CNTN5: variants seen among roughly 807,000 people sequenced by gnomAD.
CNTN5 encodes contactin 5.
CNTN5 carries 77 observed loss-of-function variants against 129.1 expected under a neutral mutation model. The ratio of observed to expected loss-of-function variants is 0.60; its 90% CI spans 0.50 to 0.72. The LOEUF (loss-of-function observed/expected upper bound fraction) is 0.72, where lower values mean the gene tolerates loss of function less well. CNTN5 is among the 30% of genes least tolerant of loss of function. The pLI, the probability that CNTN5 is intolerant of heterozygous loss-of-function variation, is 0.00. For missense variants in CNTN5, 1,478 were observed against 1,328.8 expected, an observed-to-expected ratio of 1.11 and a Z score of -1.75; for synonymous variants, 509 against 465.6, an observed-to-expected ratio of 1.09 and a Z score of -1.20.
chr11:99,685,459 A>C (rs1473907623), intron 3 of CNTN5, among the ~76,000 whole-genome samples: 1 of 151,948 alleles, frequency 6.6e-6, no homozygotes, highest in Non-Finnish European at 1.5e-5. Flanking sequence ...GAGAAAGTAA[A>C]AAATATTCCA....
At chr11:99,674,147 A>G (rs1208690322) in intron 3 of CNTN5, among the ~76,000 whole-genome samples, 3 of 152,176 alleles carry the variant, frequency 2.0e-5, no homozygotes, top group Non-Finnish European at 4.4e-5. Flanking sequence ...AAGCATAGCC[A>G]TTCTAACTGA....
At chr11:99,458,422 T>C (rs1351414589) in intron 2 of CNTN5, among the ~76,000 whole-genome samples, 1 of 151,918 alleles carries the variant, frequency 6.6e-6, no homozygotes, top group Non-Finnish European at 1.5e-5. Flanking sequence ...AATTGCGCTA[T>C]AAAAAGACTC....
chr11:100,041,158 C>G (rs915536113), intron 9 of CNTN5, among the ~76,000 whole-genome samples: 2 of 152,138 alleles, frequency 1.3e-5, no homozygotes, highest in Non-Finnish European at 2.9e-5. Flanking sequence ...TTTTCTCTCA[C>G]AGCTCCAGGA....
At position 100,358,145 on chromosome 11, in the gene CNTN5, T is replaced by G. The variant is rs1952566788; in HGVS notation, c.*1925T>G. The stretch of plus-strand genomic sequence containing the variant: ...GAATAAAAGACAGAAAGAATATTTT[T>G]AATGCAAAATAATTTTACGTATTTC... On this transcript the variant is annotated 3_prime_UTR_variant, in exon 25 of 25. Transcript: ENST00000524871. 6.6e-6 allele frequency: 1 copy of G among 151,910 alleles called. No individual in the cohort carries two copies. Among genetic ancestry groups the G allele is most frequent in the African/African-American group, 2.4e-5 (1 of 41,434 alleles). 9.4% of individuals were successfully genotyped at this position (151,910 alleles called of 1,614,324 possible).
chr11:99,743,476 A>G (rs149756025), intron 3 of CNTN5, among the ~76,000 whole-genome samples: 1 of 152,322 alleles, frequency 6.6e-6, no homozygotes, highest in East Asian at 1.9e-4. Flanking sequence ...TGTCGCCTGA[A>G]CAAGTTATTA....
In CNTN5 at chr11:100,123,627, C is replaced by G. The variant is rs79814894; in HGVS notation, c.1580+49333C>G. 3.5e-3 allele frequency among the ~76,000 whole-genome samples: 528 copies of G among 151,912 alleles called. 24 individuals carry two copies. In the East Asian group the frequency reaches 0.085, roughly 24 times the overall value. On this transcript the variant is annotated intron_variant, in intron 13 of 24. Coordinates refer to ENST00000524871, the MANE Select transcript of CNTN5 (RefSeq NM_014361.4). ...ATGAAGACAGTTTTTGTAGTCTAAC[C>G]AAGAATCAAAACAAATTCTGCAACT...
At chr11:99,125,701 T>C (rs1041713723) in intron 1 of CNTN5, among the ~76,000 whole-genome samples, 2 of 152,160 alleles carry the variant, frequency 1.3e-5, no homozygotes, top group African/African-American at 4.8e-5. Context: ...AATTTTGAAA[T>C]TTTTGCTACA....
chr11:99,076,914 T>C (rs1236639611), intron 1 of CNTN5, among the ~76,000 whole-genome samples: 1 of 152,198 alleles, frequency 6.6e-6, no homozygotes, highest in Non-Finnish European at 1.5e-5. Context: ...TTCTTTTCCT[T>C]TTCATGATTG....
At chr11:99,253,928 G>A (rs1369029950) in intron 1 of CNTN5, among the ~76,000 whole-genome samples, 3 of 118,500 alleles carry the variant, frequency 2.5e-5, no homozygotes, top group African/African-American at 7.1e-5. Flanking sequence ...TATATATTTG[G>A]TAGAACATAT....
intron 6 of CNTN5, among the ~76,000 whole-genome samples, chr11:99,856,571 C>A (rs924785292): frequency 6.6e-6 from 1 of 152,044 alleles, no homozygotes; most frequent in Non-Finnish European, 1.5e-5. Context: ...ACTTAAGGGG[C>A]AAGTATGGAG....
chr11:99,854,472 T>C (rs1041716501), intron 6 of CNTN5, among the ~76,000 whole-genome samples: 1 of 152,182 alleles, frequency 6.6e-6, no homozygotes, highest in African/African-American at 2.4e-5. Context: ...GCTTGAATTC[T>C]CCCTCTGTGG....
intron 3 of CNTN5, among the ~76,000 whole-genome samples, chr11:99,582,007 T>G (rs1949618740): frequency 6.6e-6 from 1 of 152,024 alleles, no homozygotes; most frequent in South Asian, 2.1e-4. Context: ...AGGAGCTCTT[T>G]TAGGGCAGGC....
At chr11:99,386,339 G>C (rs1370443907) in intron 2 of CNTN5, among the ~76,000 whole-genome samples, 1 of 152,202 alleles carries the variant, frequency 6.6e-6, no homozygotes, top group Non-Finnish European at 1.5e-5. Context: ...GCTACTCCAT[G>C]GACAGAGCAG....
chr11:99,479,729 CTACTT>C, intron 2 of CNTN5, among the ~76,000 whole-genome samples: 1 of 151,918 alleles, frequency 6.6e-6, no homozygotes, highest in East Asian at 1.9e-4. Flanking sequence ...TAATAATACT[CTACTT>C]AATTAAATTT....
rs899197150 is a variant in CNTN5 at position 99,212,359 on chromosome 11, A to G, written c.-209-112987A>G. 7.2e-5 allele frequency among the ~76,000 whole-genome samples: 11 copies of G among 152,272 alleles called. No individual in the cohort carries two copies. In the South Asian group the frequency reaches 2.3e-3, roughly 32 times the overall value. ...TTACACTATAAATCTAATCCCCAGCATGGGTTGTGGGGGAAGTTGCTTAGG... is the reference window on the plus strand; with the variant it reads ...TTACACTATAAATCTAATCCCCAGCGTGGGTTGTGGGGGAAGTTGCTTAGG... On this transcript the variant is annotated intron_variant, in intron 1 of 24. Transcript: ENST00000524871.
At chr11:99,317,619 A>G (rs890699075) in intron 1 of CNTN5, among the ~76,000 whole-genome samples, 1 of 152,240 alleles carries the variant, frequency 6.6e-6, no homozygotes, top group South Asian at 2.1e-4. Context: ...CTAGAGAATC[A>G]AGGTCCTGAA....
chr11:100,256,213 C>G (rs1033801138), intron 17 of CNTN5, among the ~76,000 whole-genome samples: 1 of 152,104 alleles, frequency 6.6e-6, no homozygotes, highest in Non-Finnish European at 1.5e-5. Context: ...GGACCCACTC[C>G]CCAGCTTCCT....
At chr11:100,354,770 A>G (rs1212427449) in intron 24 of CNTN5, among the ~76,000 whole-genome samples, 1 of 151,708 alleles carries the variant, frequency 6.6e-6, no homozygotes, top group African/African-American at 2.4e-5. Context: ...AGACATACAC[A>G]ACATGATACT....
chr11:99,754,862 A>G (rs1944356903), intron 3 of CNTN5, among the ~76,000 whole-genome samples: 1 of 152,172 alleles, frequency 6.6e-6, no homozygotes, highest in South Asian at 2.1e-4. Context: ...ACCCACCATT[A>G]TAGTATCATG....
Sources: gnomAD v4.1 joint callset for allele counts (sites outside exome capture counted in the v4.1 genomes callset) on GRCh38, gnomAD v4.1.1 for gene constraint, MANE v1.5 for transcripts, NCBI Gene and HGNC (gene_info 2026-07-23, HGNC 2026-07-21) for gene names.